Variants in CCSER1 observed in about 807,000 individuals in gnomAD.
CCSER1 encodes serine-rich coiled-coil domain-containing protein 1.
A neutral mutation model predicts 82.0 loss-of-function variants in CCSER1; 41 were observed. That is an observed-to-expected ratio of 0.50 (90% CI 0.39 to 0.65). The LOEUF (loss-of-function observed/expected upper bound fraction) is 0.65. Among genes scored for constraint, CCSER1 ranks in the 30% least tolerant of loss-of-function variants. The pLI, the probability that CCSER1 is intolerant of heterozygous loss-of-function variation, is 0.00. For synonymous variants in CCSER1, 414 were observed against 383.9 expected (o/e 1.08, Z -0.92); for missense variants, 1,119 against 1,064.2 (o/e 1.05, Z -0.72).
chr4:90,683,010 A>G (rs961654564), intron 6 of CCSER1: 4 of 152,256 alleles, frequency 2.6e-5, no homozygotes, highest in Non-Finnish European at 5.9e-5. Flanking sequence ...AACAAGTGCC[A>G]TTTTTATCCT....
intron 5 of CCSER1, among the ~76,000 whole-genome samples, chr4:90,586,829 G>C (rs1782072914): frequency 1.3e-5 from 2 of 152,206 alleles, no homozygotes. Context: ...CAGCAATGCT[G>C]ATATGATGCT....
rs907661059 is a variant in CCSER1, at chr4:90,815,846, G to A, written c.2094+1G>A. On this transcript the variant is annotated splice_donor_variant, in intron 8 of 10. Coordinates refer to ENST00000509176, the MANE Select transcript of CCSER1 (RefSeq NM_001145065.2). LOFTEE classifies it high-confidence loss of function. ...CATTTCCCAACTTCAGGAAGAGCTG[G>A]TAAGTGATAACAATGCTTGGCCCAC... The A allele has an allele frequency of 6.5e-7, 1 of 1,549,036 alleles. No homozygotes were observed. Among genetic ancestry groups the A allele is most frequent in the African/African-American group, 1.4e-5 (1 of 72,994 alleles).
At chr4:91,533,443 C>G (rs535008538) in intron 10 of CCSER1, among the ~76,000 whole-genome samples, 3 of 152,080 alleles carry the variant, frequency 2.0e-5, no homozygotes, top group Admixed American at 2.0e-4. Flanking sequence ...CTTCTTTATC[C>G]TTCCCAAAGG....
chr4:90,144,622 A>G (rs1725462556), intron 1 of CCSER1, among the ~76,000 whole-genome samples: 1 of 152,226 alleles, frequency 6.6e-6, no homozygotes, highest in Admixed American at 6.5e-5. Flanking sequence ...TCATCATTTC[A>G]GTCATTAATA....
intron 4 of CCSER1, among the ~76,000 whole-genome samples, chr4:90,441,027 G>A (rs1218112940): frequency 2.6e-5 from 4 of 152,180 alleles, no homozygotes; most frequent in Non-Finnish European, 4.4e-5. Context: ...AGGGACGAGG[G>A]AAGACAAACA....
chr4:90,208,552 GA>G (rs920084770), intron 1 of CCSER1, among the ~76,000 whole-genome samples: 20 of 151,542 alleles, frequency 1.3e-4, no homozygotes, highest in African/African-American at 3.4e-4. Flanking sequence ...ACTGGGGTAT[GA>G]AAAAAAACTC....
intron 9 of CCSER1, among the ~76,000 whole-genome samples, chr4:91,018,107 G>A (rs1484212297): frequency 6.6e-6 from 1 of 151,738 alleles, no homozygotes; most frequent in African/African-American, 2.4e-5. Flanking sequence ...TTTTTCTCTG[G>A]GAAATCTCAC....
intron 10 of CCSER1, among the ~76,000 whole-genome samples, chr4:91,322,236 T>A (rs1432700307): frequency 6.6e-6 from 1 of 152,120 alleles, no homozygotes; most frequent in Non-Finnish European, 1.5e-5. Context: ...TCTTTAAGAA[T>A]CTCTCCCCTC....
intron 1 of CCSER1, among the ~76,000 whole-genome samples, chr4:90,269,390 A>G (rs910746567): frequency 1.3e-5 from 2 of 152,146 alleles, no homozygotes; most frequent in Non-Finnish European, 2.9e-5. Flanking sequence ...AAATTTTGAA[A>G]GATGTACAAC....
chr4:90,854,099 A>G (rs557317296), intron 8 of CCSER1, among the ~76,000 whole-genome samples: 2 of 152,296 alleles, frequency 1.3e-5, no homozygotes, highest in South Asian at 2.1e-4. Context: ...AAATATTCCA[A>G]CCATTCTTCA....
chr4:90,914,614 G>C (rs1418430248), intron 8 of CCSER1, among the ~76,000 whole-genome samples: 1 of 151,112 alleles, frequency 6.6e-6, no homozygotes, highest in Non-Finnish European at 1.5e-5. Flanking sequence ...CACATTCAAA[G>C]CGAGCAGAAG....
intron 9 of CCSER1, among the ~76,000 whole-genome samples, chr4:90,998,943 T>C (rs1005708951): frequency 2.0e-5 from 3 of 152,124 alleles, no homozygotes; most frequent in Admixed American, 2.0e-4. Context: ...TGTCCATGAG[T>C]ACCCAGTGTC....
intron 5 of CCSER1, among the ~76,000 whole-genome samples, chr4:90,530,854 C>T (rs1774420676): frequency 6.6e-6 from 1 of 152,118 alleles, no homozygotes; most frequent in Admixed American, 6.5e-5. Context: ...AAACTGCTGC[C>T]TGGAATTTTC....
chr4:91,558,485 G>A (rs1204487249), intron 10 of CCSER1, among the ~76,000 whole-genome samples: 1 of 151,548 alleles, frequency 6.6e-6, no homozygotes, highest in African/African-American at 2.4e-5. Context: ...ATTTGCTGAT[G>A]TCTGAAATCA....
At chr4:90,312,815 C>A in intron 2 of CCSER1, 48 bp from the exon 3 acceptor site, 1 of 1,369,992 alleles carries the variant, frequency 7.3e-7, no homozygotes, top group Non-Finnish European at 1.0e-6. Context: ...TTTGTAAAAA[C>A]TACATTTAAA....
chr4:90,234,091 A>G (rs867186416), intron 1 of CCSER1, among the ~76,000 whole-genome samples: 2 of 152,152 alleles, frequency 1.3e-5, no homozygotes, highest in South Asian at 2.1e-4. Context: ...GAAAATAATA[A>G]TATTAGGCAG....
intron 10 of CCSER1, among the ~76,000 whole-genome samples, chr4:91,545,436 C>A (rs767393120): frequency 6.6e-6 from 1 of 152,108 alleles, no homozygotes; most frequent in South Asian, 2.1e-4. Context: ...GGAGGTGTTC[C>A]TATTTGGCCA....
intron 10 of CCSER1, among the ~76,000 whole-genome samples, chr4:91,395,959 T>C (rs1298612248): frequency 6.6e-6 from 1 of 152,092 alleles, no homozygotes; most frequent in South Asian, 2.1e-4. Flanking sequence ...GAATAAAATA[T>C]GAAGAATATA....
chr4:90,336,811 G>GT (rs1207123045), intron 3 of CCSER1, among the ~76,000 whole-genome samples: 4 of 152,214 alleles, frequency 2.6e-5, no homozygotes, highest in South Asian at 2.1e-4. Flanking sequence ...AATTCAGCCA[G>GT]TTTTTTTGCA....
Sources: allele counts gnomAD v4.1 joint callset (sites outside exome capture counted in the v4.1 genomes callset), GRCh38; gene constraint gnomAD v4.1.1; transcripts MANE v1.5; gene names NCBI Gene and HGNC (gene_info 2026-07-23, HGNC 2026-07-21).